PTPRD: variants seen among roughly 807,000 people sequenced by gnomAD.
PTPRD encodes receptor-type tyrosine-protein phosphatase delta.
A neutral mutation model predicts 214.5 loss-of-function variants in PTPRD; 34 were observed. That is an observed-to-expected ratio of 0.16 (90% CI 0.12 to 0.21). PTPRD has a LOEUF of 0.21. Ranked by LOEUF, PTPRD falls within the 10% of genes least tolerant of loss-of-function variation. PTPRD has a pLI of 1.00. For synonymous variants in PTPRD, 1,128 were observed against 845.7 expected (o/e 1.33, Z -5.79); for missense variants, 2,545 against 2,398.7 (o/e 1.06, Z -1.27).
intron 11 of PTPRD, among the ~76,000 whole-genome samples, chr9:8,947,829 C>A (rs1360647227): frequency 6.6e-6 from 1 of 152,038 alleles, no homozygotes; most frequent in African/African-American, 2.4e-5. Flanking sequence ...ATGGTGATAG[C>A]TTATATTTAT....
At chr9:8,566,777 T>C (rs2089414052) in intron 14 of PTPRD, among the ~76,000 whole-genome samples, 1 of 152,314 alleles carries the variant, frequency 6.6e-6, no homozygotes, top group South Asian at 2.1e-4. Context: ...TAAAAAGTGA[T>C]TGTAAACATA....
intron 3 of PTPRD, among the ~76,000 whole-genome samples, chr9:10,041,418 G>T (rs545736625): frequency 6.6e-6 from 1 of 152,020 alleles, no homozygotes; most frequent in East Asian, 1.9e-4. Flanking sequence ...ACAGAAAGTA[G>T]TTTTCTGAGT....
intron 14 of PTPRD, among the ~76,000 whole-genome samples, chr9:8,582,414 C>T (rs957692979): frequency 2.0e-5 from 3 of 152,264 alleles, no homozygotes; most frequent in South Asian, 2.1e-4. Flanking sequence ...TTTGACTACA[C>T]TAAAATTAGG....
At chr9:10,172,322 C>T (rs766965926) in intron 3 of PTPRD, among the ~76,000 whole-genome samples, 1 of 152,052 alleles carries the variant, frequency 6.6e-6, no homozygotes, top group Non-Finnish European at 1.5e-5. Context: ...CTAATATCAC[C>T]ACCCCATATG....
intron 2 of PTPRD, among the ~76,000 whole-genome samples, chr9:10,431,591 A>G (rs1448598518): frequency 6.6e-6 from 1 of 151,946 alleles, no homozygotes; most frequent in Non-Finnish European, 1.5e-5. Context: ...ATTTACAAGA[A>G]AAAAACAAAC....
rs1567097380 is a variant in PTPRD, at chr9:8,934,435, A to AT, written c.-104+84261_-104+84262insA. On this transcript the variant is annotated intron_variant, in intron 11 of 45. Transcript: ENST00000381196. ...TGTGTGTGTGTGTATATATATATAT[A>AT]AATATATATATAAATTTATATATAT... Among the ~76,000 whole-genome samples the AT allele has an allele frequency of 4.7e-4, 14 of 29,898 alleles. 1 individual carries two copies. Among genetic ancestry groups the AT allele is most frequent in the South Asian group, 1.6e-3 (2 of 1,252 alleles). The allele number at this position is 29,898 out of a possible 152,430, so 19.6% of individuals were successfully genotyped here. A position where few individuals can be genotyped will look rare whatever the true frequency, so the allele number is the denominator to read the frequency against.
At chr9:8,343,414 C>T (rs1034896686) in intron 39 of PTPRD, among the ~76,000 whole-genome samples, 12 of 151,946 alleles carry the variant, frequency 7.9e-5, no homozygotes, top group African/African-American at 2.9e-4. Context: ...GACAGAGAGT[C>T]CTACAAATGA....
Position 8,703,891 on chromosome 9 carries a change from C to A in PTPRD, c.64+29889G>T, listed in dbSNP as rs193194158. On this transcript the variant is annotated intron_variant, in intron 12 of 45. Coordinates refer to ENST00000381196, the MANE Select transcript of PTPRD (RefSeq NM_002839.4). ...CAAACCGAGCTCATGATTCTCCATT[C>A]AAGCCAAACAACTCTACCCTCCTCC... 3.8e-3 allele frequency among the ~76,000 whole-genome samples: 586 copies of A among 152,272 alleles called. 2 individuals are homozygous for A. The highest frequency in any genetic ancestry group is 6.8e-3 in the Middle Eastern group (2 of 294).
At chr9:9,324,019 T>A (rs1269967278) in intron 9 of PTPRD, among the ~76,000 whole-genome samples, 1 of 152,210 alleles carries the variant, frequency 6.6e-6, no homozygotes, top group African/African-American at 2.4e-5. Context: ...GGACATGAGC[T>A]CATCCTTTTT....
At chr9:9,789,272 C>A (rs1016295145) in intron 5 of PTPRD, among the ~76,000 whole-genome samples, 3 of 152,136 alleles carry the variant, frequency 2.0e-5, no homozygotes, top group Admixed American at 1.3e-4. Context: ...CATCATCAAG[C>A]GGAATGCCTT....
chr9:10,589,730 T>A (rs1322287), intron 2 of PTPRD, among the ~76,000 whole-genome samples: 21,595 of 151,850 alleles, frequency 0.14, 2,324 homozygotes, highest in East Asian at 0.59. Flanking sequence ...CAGATATTCA[T>A]AGAAGTAGGC....
intron 3 of PTPRD, among the ~76,000 whole-genome samples, chr9:10,175,934 A>T (rs2099245724): frequency 6.6e-6 from 1 of 152,020 alleles, no homozygotes; most frequent in Non-Finnish European, 1.5e-5. Flanking sequence ...AGCATTTTCC[A>T]ACATCTTTTT....
chr9:8,628,438 A>G (rs914133377), intron 14 of PTPRD, among the ~76,000 whole-genome samples: 5 of 151,768 alleles, frequency 3.3e-5, no homozygotes, highest in Non-Finnish European at 7.4e-5. Context: ...GTCTCATCCA[A>G]CTGCTCACTG....
At chr9:9,587,109 G>C (rs1056851017) in intron 7 of PTPRD, among the ~76,000 whole-genome samples, 1 of 151,724 alleles carries the variant, frequency 6.6e-6, no homozygotes, top group African/African-American at 2.4e-5. Context: ...AAAGAGGGGA[G>C]ACAAAAAAAT....
chr9:9,920,228 T>C (rs1426009011), intron 5 of PTPRD, among the ~76,000 whole-genome samples: 1 of 152,112 alleles, frequency 6.6e-6, no homozygotes, highest in Non-Finnish European at 1.5e-5. Flanking sequence ...AACAGTTTGT[T>C]TACCTCAGCT....
intron 3 of PTPRD, among the ~76,000 whole-genome samples, chr9:10,286,986 G>A (rs12344926): frequency 0.37 from 56,597 of 151,978 alleles, 13,148 homozygotes; most frequent in African/African-American, 0.63. Context: ...TAAGGTTAGC[G>A]AACTTGAAAA....
rs772202474 is a variant in PTPRD, at chr9:10,199,911, GCACACA to G, written c.-545+141046_-545+141051del. Among the ~76,000 whole-genome samples the G allele has an allele frequency of 2.9e-4, 24 of 82,890 alleles. No individual in the cohort carries two copies. In the East Asian group the frequency reaches 8.7e-3, roughly 30 times the overall value. The allele number at this position is 82,890 out of a possible 152,430, so 54.4% of individuals were successfully genotyped here. A position where few individuals can be genotyped will look rare whatever the true frequency, so the allele number is the denominator to read the frequency against. On this transcript the variant is annotated intron_variant, in intron 3 of 45. Coordinates refer to ENST00000381196, the MANE Select transcript of PTPRD (RefSeq NM_002839.4). The stretch of plus-strand genomic sequence containing the variant: ...TACATGGGCACTCGCGCGCACACAC[GCACACA>G]CACACACACACACACACATCCTTCA...
At chr9:9,802,701 T>A (rs1438374963) in intron 5 of PTPRD, among the ~76,000 whole-genome samples, 1 of 151,806 alleles carries the variant, frequency 6.6e-6, no homozygotes, top group African/African-American at 2.4e-5. Context: ...AGGACCTAGC[T>A]TATAGTTGGA....
intron 10 of PTPRD, among the ~76,000 whole-genome samples, chr9:9,064,418 T>C (rs2099720342): frequency 6.6e-6 from 1 of 152,172 alleles, no homozygotes; most frequent in Non-Finnish European, 1.5e-5. Context: ...CATTGTCCCA[T>C]GATGTCTTTT....
Sources: gnomAD v4.1 joint callset for allele counts (sites outside exome capture counted in the v4.1 genomes callset) on GRCh38, gnomAD v4.1.1 for gene constraint, MANE v1.5 for transcripts, NCBI Gene and HGNC (gene_info 2026-07-23, HGNC 2026-07-21) for gene names.